The following PTPRK variants were observed in gnomAD, a reference collection of about 807,000 sequenced individuals.
PTPRK encodes the protein receptor-type tyrosine-protein phosphatase kappa.
PTPRK carries 75 observed loss-of-function variants against 178.0 expected under a neutral mutation model. That is an observed-to-expected ratio of 0.42 (90% CI 0.35 to 0.51). The LOEUF (loss-of-function observed/expected upper bound fraction) is 0.51, where lower values mean the gene tolerates loss of function less well. Among genes scored for constraint, PTPRK ranks in the 20% least tolerant of loss-of-function variants. The pLI is 0.02. For missense variants in PTPRK, 1,441 were observed against 1,797.8 expected (o/e 0.80, Z 3.59); for synonymous variants, 637 against 620.6 (o/e 1.03, Z -0.39).
chr6:128,301,970 G>T (rs116601104), intron 3 of PTPRK, among the ~76,000 whole-genome samples: 1,900 of 152,128 alleles, frequency 0.012, 41 homozygotes, highest in African/African-American at 0.044. Context: ...TCAAAAATTG[G>T]CCTTCTGTTA....
chr6:128,388,299 G>A (rs1839057584), intron 2 of PTPRK, among the ~76,000 whole-genome samples: 1 of 152,134 alleles, frequency 6.6e-6, no homozygotes, highest in Non-Finnish European at 1.5e-5. Flanking sequence ...AATAGCCATA[G>A]ATTTTAGACC....
intron 7 of PTPRK, among the ~76,000 whole-genome samples, chr6:128,141,183 C>A (rs1297411017): frequency 6.6e-6 from 1 of 151,754 alleles, no homozygotes; most frequent in Non-Finnish European, 1.5e-5. Flanking sequence ...AAATAGTGTT[C>A]AAAATTATTG....
chr6:128,446,369 A>G (rs1847029948), intron 1 of PTPRK, among the ~76,000 whole-genome samples: 1 of 152,086 alleles, frequency 6.6e-6, no homozygotes, highest in African/African-American at 2.4e-5. Context: ...TGTGTCACTT[A>G]CTCCCAGGTC....
intron 13 of PTPRK, among the ~76,000 whole-genome samples, chr6:128,041,972 C>A (rs937030810): frequency 9.9e-5 from 15 of 151,826 alleles, no homozygotes; most frequent in African/African-American, 3.1e-4. Flanking sequence ...ACCTCATATC[C>A]AAATTGATAA....
At chr6:128,360,375 C>G (rs527829812) in intron 2 of PTPRK, among the ~76,000 whole-genome samples, 1 of 152,100 alleles carries the variant, frequency 6.6e-6, no homozygotes, top group Non-Finnish European at 1.5e-5. Flanking sequence ...AATCATGGGC[C>G]AGTAAGGGGC....
At chr6:128,324,504 A>G (rs1317230280) in intron 2 of PTPRK, among the ~76,000 whole-genome samples, 2 of 152,256 alleles carry the variant, frequency 1.3e-5, no homozygotes, top group East Asian at 1.9e-4. Flanking sequence ...GGCATTATCA[A>G]TTTGATCACT....
intron 1 of PTPRK, among the ~76,000 whole-genome samples, chr6:128,403,716 AC>A (rs1377067675): frequency 6.6e-6 from 1 of 152,210 alleles, no homozygotes; most frequent in African/African-American, 2.4e-5. Context: ...CATCTAATAT[AC>A]ACAGAAAGAC....
chr6:128,195,689 G>C (rs921479912), intron 6 of PTPRK, among the ~76,000 whole-genome samples: 4 of 151,960 alleles, frequency 2.6e-5, no homozygotes, highest in Non-Finnish European at 5.9e-5. Flanking sequence ...AATTCCACTA[G>C]ATAACAGGAT....
chr6:128,132,643 G>A (rs1246563771), intron 7 of PTPRK, among the ~76,000 whole-genome samples: 1 of 152,226 alleles, frequency 6.6e-6, no homozygotes, highest in East Asian at 1.9e-4. Context: ...CAAAACATAA[G>A]TGACATTAGT....
intron 6 of PTPRK, among the ~76,000 whole-genome samples, chr6:128,202,811 A>AT: frequency 6.6e-6 from 1 of 152,230 alleles, no homozygotes. Context: ...TGACAGCTGA[A>AT]TTCTACCAGA....
chr6:128,193,775 G>C (rs554192165), intron 6 of PTPRK, among the ~76,000 whole-genome samples: 1 of 152,066 alleles, frequency 6.6e-6, no homozygotes, highest in South Asian at 2.1e-4. Flanking sequence ...TATTCACCTT[G>C]ATTTGAAAAC....
chr6:128,308,187 C>T (rs1826718040), intron 3 of PTPRK, among the ~76,000 whole-genome samples: 1 of 151,572 alleles, frequency 6.6e-6, no homozygotes, highest in African/African-American at 2.4e-5. Flanking sequence ...ATTTATAAAA[C>T]ATTTGTTAAC....
chr6:128,101,903 T>C (rs918904478), intron 7 of PTPRK, among the ~76,000 whole-genome samples: 2 of 152,204 alleles, frequency 1.3e-5, no homozygotes, highest in African/African-American at 2.4e-5. Flanking sequence ...AGTTGGAATA[T>C]ACTATTCTTT....
intron 1 of PTPRK, among the ~76,000 whole-genome samples, chr6:128,427,859 G>A (rs1029993882): frequency 1.1e-4 from 17 of 152,256 alleles, no homozygotes; most frequent in South Asian, 4.2e-4. Flanking sequence ...ATGGGAGGCT[G>A]AGGCGGGCAG....
intron 1 of PTPRK, among the ~76,000 whole-genome samples, chr6:128,411,328 A>G (rs1487644815): frequency 6.6e-6 from 1 of 152,214 alleles, no homozygotes; most frequent in South Asian, 2.1e-4. Flanking sequence ...CTAAATCTCA[A>G]TGTTACCTGG....
chr6:128,419,595 G>C (rs1843236958), intron 1 of PTPRK, among the ~76,000 whole-genome samples: 1 of 150,108 alleles, frequency 6.7e-6, no homozygotes, highest in Non-Finnish European at 1.5e-5. Flanking sequence ...CTGGGCGACA[G>C]AGCGAGACTC....
At chr6:128,418,444 C>T (rs754186192) in intron 1 of PTPRK, among the ~76,000 whole-genome samples, 1 of 152,160 alleles carries the variant, frequency 6.6e-6, no homozygotes, top group South Asian at 2.1e-4. Flanking sequence ...TGTGTCAGAT[C>T]AGCTGAGGCA....
chr6:128,235,698 T>A (rs1367636460), intron 5 of PTPRK: 4 of 408,096 alleles, frequency 9.8e-6, no homozygotes, highest in African/African-American at 8.4e-5. Context: ...ATCCCTCACT[T>A]GTTAGTCATC....
At chr6:128,006,092 CAATGGTG>C (rs770267017) in intron 14 of PTPRK, 1 of 1,510,476 alleles carries the variant, frequency 6.6e-7, no homozygotes, top group South Asian at 1.2e-5. Flanking sequence ...AAAAGAGAAG[CAATGGTG>C]AATGAAAAGC....
Sources: gnomAD v4.1 joint callset for allele counts (sites outside exome capture counted in the v4.1 genomes callset) on GRCh38, gnomAD v4.1.1 for gene constraint, MANE v1.5 for transcripts, NCBI Gene and HGNC (gene_info 2026-07-23, HGNC 2026-07-21) for gene names.